The following CNTNAP5 variants were observed in gnomAD, a reference collection of about 807,000 sequenced individuals.
CNTNAP5 encodes contactin-associated protein-like 5.
CNTNAP5 carries 72 observed loss-of-function variants against 150.2 expected under a neutral mutation model. The observed-to-expected ratio is 0.48, with a 90% confidence interval of 0.40 to 0.58. The LOEUF (loss-of-function observed/expected upper bound fraction) is 0.58. Ranked by LOEUF, CNTNAP5 falls within the 20% of genes least tolerant of loss-of-function variation. The pLI, the probability that CNTNAP5 is intolerant of heterozygous loss-of-function variation, is 0.00. For missense variants in CNTNAP5, 1,636 were observed against 1,626.2 expected (o/e 1.01, Z -0.10); for synonymous variants, 672 against 619.8 (o/e 1.08, Z -1.25).
intron 3 of CNTNAP5, among the ~76,000 whole-genome samples, chr2:124,358,372 G>C (rs1203157703): frequency 6.6e-6 from 1 of 152,128 alleles, no homozygotes; most frequent in Non-Finnish European, 1.5e-5. Flanking sequence ...GGGCATCCCT[G>C]TCTTGTGCCA....
At chr2:124,614,425 A>G (rs1677452704) in intron 12 of CNTNAP5, among the ~76,000 whole-genome samples, 2 of 152,200 alleles carry the variant, frequency 1.3e-5, no homozygotes, top group Non-Finnish European at 1.5e-5. Flanking sequence ...GCTATTCCAT[A>G]GGCAGAGCAG....
intron 13 of CNTNAP5, among the ~76,000 whole-genome samples, chr2:124,744,067 T>C: frequency 6.6e-6 from 1 of 152,170 alleles, no homozygotes. Flanking sequence ...GCCTGTTTTA[T>C]ATTTTCCATA....
chr2:124,153,865 G>C (rs372388318), intron 1 of CNTNAP5, among the ~76,000 whole-genome samples: 3 of 151,824 alleles, frequency 2.0e-5, no homozygotes, highest in Non-Finnish European at 4.4e-5. Flanking sequence ...CACCCGCCTC[G>C]GCCTCCAAAA....
At chr2:124,885,323 A>C (rs1411918885) in intron 21 of CNTNAP5, among the ~76,000 whole-genome samples, 1 of 152,020 alleles carries the variant, frequency 6.6e-6, no homozygotes, top group East Asian at 1.9e-4. Context: ...TCACGTTTAC[A>C]ACATACCTTT....
chr2:124,276,756 C>T (rs1430801014), intron 3 of CNTNAP5, among the ~76,000 whole-genome samples: 1 of 152,144 alleles, frequency 6.6e-6, no homozygotes, highest in Admixed American at 6.6e-5. Flanking sequence ...AAGTATTACA[C>T]ATTTAAAGAC....
At position 124,637,498 on chromosome 2, in the gene CNTNAP5, T is replaced by C. The variant is rs544151762; in HGVS notation, c.1877-10260T>C. On this transcript the variant is annotated intron_variant, in intron 12 of 23. Coordinates refer to ENST00000682447, the MANE Select transcript of CNTNAP5 (RefSeq NM_001367498.1). ...TCCCGATACTGGGGATGCTTCTCGC[T>C]ATCATTTGGCTAACACAGCTCTGCC... Among the ~76,000 whole-genome samples, 59 of 152,320 alleles carry C rather than the reference T, an allele frequency of 3.9e-4. 1 individual carries two copies. The highest frequency in any genetic ancestry group is 6.8e-3 in the Middle Eastern group (2 of 294).
intron 1 of CNTNAP5, among the ~76,000 whole-genome samples, chr2:124,097,741 A>G (rs1266358844): frequency 6.6e-6 from 1 of 152,210 alleles, no homozygotes; most frequent in African/African-American, 2.4e-5. Flanking sequence ...ATAAATTTTG[A>G]CTTCCGGCCA....
chr2:124,408,622 GCA>G (rs958035483), intron 3 of CNTNAP5, among the ~76,000 whole-genome samples: 1 of 151,220 alleles, frequency 6.6e-6, no homozygotes, highest in Non-Finnish European at 1.5e-5. Context: ...CAGCAGGGGG[GCA>G]CACTGACACC....
intron 19 of CNTNAP5, among the ~76,000 whole-genome samples, chr2:124,800,554 T>C (rs1345553703): frequency 6.6e-6 from 1 of 152,210 alleles, no homozygotes; most frequent in African/African-American, 2.4e-5. Flanking sequence ...CTCAGTCTGG[T>C]GGCATATTCT....
chr2:124,030,652 TA>T (rs1681022350), intron 1 of CNTNAP5, among the ~76,000 whole-genome samples: 2 of 150,904 alleles, frequency 1.3e-5, no homozygotes, highest in East Asian at 3.9e-4. Context: ...GAGTCACATC[TA>T]AAAGAAAAAA....
At chr2:124,346,294 C>T (rs987500839) in intron 3 of CNTNAP5, among the ~76,000 whole-genome samples, 15 of 152,166 alleles carry the variant, frequency 9.9e-5, no homozygotes, top group African/African-American at 3.4e-4. Flanking sequence ...CGTTCAAGGT[C>T]ATTAGCAACA....
At chr2:124,357,153 G>T (rs1413189112) in intron 3 of CNTNAP5, among the ~76,000 whole-genome samples, 16 of 152,100 alleles carry the variant, frequency 1.1e-4, no homozygotes, top group East Asian at 9.7e-4. Context: ...TGATGGGGTT[G>T]TTTGTTTTTT....
chr2:124,341,731 G>C (rs1473702222), intron 3 of CNTNAP5, among the ~76,000 whole-genome samples: 1 of 152,142 alleles, frequency 6.6e-6, no homozygotes, highest in African/African-American at 2.4e-5. Flanking sequence ...ATAATTTCTA[G>C]ATTTGAGTAT....
At chr2:124,384,912 G>A (rs1690890204) in intron 3 of CNTNAP5, among the ~76,000 whole-genome samples, 1 of 152,132 alleles carries the variant, frequency 6.6e-6, no homozygotes, top group Non-Finnish European at 1.5e-5. Flanking sequence ...CTCCTGACAA[G>A]TGAGAGTGCA....
At chr2:124,288,470 C>T (rs949688769) in intron 3 of CNTNAP5, among the ~76,000 whole-genome samples, 6 of 152,082 alleles carry the variant, frequency 3.9e-5, no homozygotes, top group African/African-American at 1.4e-4. Flanking sequence ...GAGATGTGAC[C>T]CTTTCTTGTA....
At chr2:124,254,398 G>C (rs1258719686) in intron 3 of CNTNAP5, among the ~76,000 whole-genome samples, 1 of 152,188 alleles carries the variant, frequency 6.6e-6, no homozygotes, top group Non-Finnish European at 1.5e-5. Flanking sequence ...CTGCTGGTAA[G>C]GGGGGCAGTC....
intron 1 of CNTNAP5, among the ~76,000 whole-genome samples, chr2:124,170,185 G>T (rs1684897056): frequency 6.6e-6 from 1 of 152,016 alleles, no homozygotes; most frequent in Non-Finnish European, 1.5e-5. Flanking sequence ...AGAGAGGCAG[G>T]CAGCATATGG....
At chr2:124,216,167 C>T (rs1410046580) in intron 1 of CNTNAP5, among the ~76,000 whole-genome samples, 1 of 152,062 alleles carries the variant, frequency 6.6e-6, no homozygotes, top group Non-Finnish European at 1.5e-5. Context: ...ATGGAAAGAG[C>T]TAAGGTGCTT....
chr2:124,060,425 C>T (rs982179709), intron 1 of CNTNAP5, among the ~76,000 whole-genome samples: 15 of 152,234 alleles, frequency 9.9e-5, no homozygotes, highest in African/African-American at 3.6e-4. Context: ...GGCAGCTCCT[C>T]TGTAATTCAC....
Sources: allele counts gnomAD v4.1 joint callset (sites outside exome capture counted in the v4.1 genomes callset), GRCh38; gene constraint gnomAD v4.1.1; transcripts MANE v1.5; gene names NCBI Gene and HGNC (gene_info 2026-07-23, HGNC 2026-07-21).